Variants in ARMC8 observed in about 807,000 individuals in gnomAD.
The protein encoded by ARMC8 is armadillo repeat containing 8.
ARMC8 carries 20 observed loss-of-function variants against 99.3 expected under a neutral mutation model. That is an observed-to-expected ratio of 0.20 (90% CI 0.14 to 0.29). ARMC8 has a LOEUF of 0.29. Ranked by LOEUF, ARMC8 falls within the 10% of genes least tolerant of loss-of-function variation. The pLI is 1.00. For synonymous variants in ARMC8, 263 were observed against 278.3 expected (o/e 0.95, Z 0.55); for missense variants, 569 against 809.5 (o/e 0.70, Z 3.60).
At chr3:138,295,194 C>T (rs1025777042) in intron 21 of ARMC8, among the ~76,000 whole-genome samples, 3 of 152,176 alleles carry the variant, frequency 2.0e-5, no homozygotes, top group Non-Finnish European at 4.4e-5. Flanking sequence ...CCACAGCACC[C>T]GGCCTACATT....
intron 14 of ARMC8, among the ~76,000 whole-genome samples, chr3:138,266,624 A>G (rs1426512437): frequency 6.6e-6 from 1 of 152,134 alleles, no homozygotes; most frequent in African/African-American, 2.4e-5. Flanking sequence ...GGCTCAGGCT[A>G]GTTAGTGGAA....
At chr3:138,227,567 C>T (rs1313414787) in intron 5 of ARMC8, among the ~76,000 whole-genome samples, 1 of 152,228 alleles carries the variant, frequency 6.6e-6, no homozygotes, top group East Asian at 1.9e-4. Context: ...GGAAGAGATT[C>T]TACTTGTAGG....
intron 5 of ARMC8, among the ~76,000 whole-genome samples, chr3:138,227,133 T>C (rs76141192): frequency 0.066 from 9,995 of 152,206 alleles, 1,093 homozygotes; most frequent in African/African-American, 0.23. Flanking sequence ...AGTTTGAAAT[T>C]GTGTTTATCA....
rs762334097 is a variant in ARMC8 at position 138,245,095 on chromosome 3, A to G, written c.1046A>G (p.His349Arg). Residue 349 changes from histidine (H) to arginine (R), a missense_variant, in exon 12 of 22, where the codon CAT becomes CGT. Transcript: ENST00000469044. ...SAITDIKRLD[H>R]DLKHAHELRQ... is the part of the protein sequence containing the mutation. The stretch of plus-strand genomic sequence containing the variant: ...TCCTTTTTTTCCCCATAGCTTGATC[A>G]TGATTTAAAACATGCTCACGAACTC... The G allele has an allele frequency of 1.1e-5, 17 of 1,613,896 alleles. No individual in the cohort carries two copies. Among genetic ancestry groups the G allele is most frequent in the Non-Finnish European group, 1.4e-5 (17 of 1,179,966 alleles).
chr3:138,218,176 T>C (rs2108061984), intron 2 of ARMC8, among the ~76,000 whole-genome samples: 1 of 152,268 alleles, frequency 6.6e-6, no homozygotes, highest in African/African-American at 2.4e-5. Context: ...CCATGATAGT[T>C]TACCTAATGA....
rs1390915029 is a variant in ARMC8, at chr3:138,290,527, C to T, written c.1895-19C>T. 8 of 1,569,644 alleles carry T rather than the reference C, an allele frequency of 5.1e-6. No homozygotes were observed. The South Asian group carries it at 8.2e-5, about 16-fold the overall frequency. On this transcript the variant is annotated intron_variant, in intron 20 of 21. Transcript: ENST00000469044. ...TTTGCCTGGGTCATGTTCCCAGTAA[C>T]CTGGCTTTAATCGTTTAGGTTCACA...
chr3:138,274,813 TTCA>T (rs1234771613), intron 18 of ARMC8, among the ~76,000 whole-genome samples: 3 of 152,190 alleles, frequency 2.0e-5, no homozygotes, highest in Non-Finnish European at 4.4e-5. Flanking sequence ...GCAGTCACCT[TTCA>T]TCATCCTGGA....
intron 6 of ARMC8, among the ~76,000 whole-genome samples, chr3:138,232,682 T>A (rs1339179630): frequency 6.6e-6 from 1 of 152,234 alleles, no homozygotes; most frequent in East Asian, 1.9e-4. Context: ...GGATGATCTC[T>A]GAGATAAATT....
At chr3:138,255,705 A>T (rs963604656) in intron 12 of ARMC8, among the ~76,000 whole-genome samples, 4 of 152,166 alleles carry the variant, frequency 2.6e-5, no homozygotes, top group African/African-American at 9.7e-5. Flanking sequence ...AAAAGCTGGG[A>T]GCGGTGACTC....
intron 1 of ARMC8, among the ~76,000 whole-genome samples, chr3:138,190,274 TTCTTA>T (rs1178411355): frequency 6.6e-6 from 1 of 150,722 alleles, no homozygotes; most frequent in Non-Finnish European, 1.5e-5. Flanking sequence ...ATTCTTTATT[TTCTTA>T]TCTTTTTTTT....
chr3:138,241,965 C>A lies in ARMC8; in HGVS notation c.1020C>A (p.Ala340=). The A allele has an allele frequency of 1.2e-6, 2 of 1,613,092 alleles. No homozygotes were observed. The highest frequency in any genetic ancestry group is 2.2e-5 in the South Asian group (2 of 91,052). ...DYFKYPSSVS[A]ITDIKRLDHD... Reference sequence around the variant, plus strand: ...TCAAGTATCCCAGCTCAGTGAGTGCCATCACTGATATTAAAAGGGTATGTT... The same window carrying A: ...TCAAGTATCCCAGCTCAGTGAGTGCAATCACTGATATTAAAAGGGTATGTT... The change falls in exon 11 of 22, where the codon GCC becomes GCA. Residue 340 remains alanine (A), a synonymous_variant. Transcript: ENST00000469044.
At position 138,246,807 on chromosome 3, in the gene ARMC8, G is replaced by T. The variant is rs149526909; in HGVS notation, c.1134+1624G>T. 36 of 979,830 alleles carry T rather than the reference G, an allele frequency of 3.7e-5. No homozygotes were observed. In the East Asian group the frequency reaches 3.3e-3, roughly 90 times the overall value. 60.7% of individuals were successfully genotyped at this position (979,830 alleles called of 1,614,324 possible). On this transcript the variant is annotated intron_variant, in intron 12 of 21. Transcript: ENST00000469044. ...CTATTAAAACTTGTATTCATAATGT[G>T]TATAATTTCCTGGTAAGGCTAACTC...
At chr3:138,267,728 G>T (rs1395931974) in intron 15 of ARMC8, among the ~76,000 whole-genome samples, 2 of 152,052 alleles carry the variant, frequency 1.3e-5, no homozygotes, top group Non-Finnish European at 2.9e-5. Context: ...TAAAATATTT[G>T]AGTATGTATT....
rs563303471 is a variant in ARMC8 at position 138,295,759 on chromosome 3, T to G, written c.1989-100T>G. ...CTCACCCCAATTCCCTCTGGAGATTTACTTTTTTAGACTTCCCCAGCTATC... is the reference window on the plus strand; with the variant it reads ...CTCACCCCAATTCCCTCTGGAGATTGACTTTTTTAGACTTCCCCAGCTATC... On this transcript the variant is annotated intron_variant, in intron 21 of 21. Coordinates refer to ENST00000469044, the MANE Select transcript of ARMC8 (RefSeq NM_001363941.2). 36 of 1,389,174 alleles carry G rather than the reference T, an allele frequency of 2.6e-5. No homozygotes were observed. The South Asian group carries it at 4.3e-4, about 16-fold the overall frequency. The allele number at this position is 1,389,174 out of a possible 1,614,324, so 86.1% of individuals were successfully genotyped here.
intron 15 of ARMC8, among the ~76,000 whole-genome samples, chr3:138,267,756 A>C (rs193087641): frequency 7.9e-5 from 12 of 152,238 alleles, no homozygotes; most frequent in Admixed American, 7.9e-4. Flanking sequence ...TTAATAGGAA[A>C]AACTAAAATA....
At chr3:138,246,268 T>C (rs747649768) in intron 12 of ARMC8, 111 of 985,668 alleles carry the variant, frequency 1.1e-4, no homozygotes, top group Non-Finnish European at 1.3e-4. Flanking sequence ...AATTGAATGT[T>C]TCCATGTACC....
chr3:138,209,827 C>G lies in ARMC8; in HGVS notation c.56C>G (p.Ala19Gly). 6.2e-7 allele frequency: 1 copy of G among 1,613,758 alleles called. No individual in the cohort carries two copies. Among genetic ancestry groups the G allele is most frequent in the Non-Finnish European group, 8.5e-7 (1 of 1,179,764 alleles). ...CCCCCCACTTTCTAGGAAGTAACAG[C>G]TAGCAGTCGCCACTATGTTGACAGG... ...IRMSVLSEVT[A>G]SSRHYVDRLF... Residue 19 changes from alanine to glycine, a missense_variant, in exon 2 of 22, where the codon GCT becomes GGT. By Grantham distance (60) the Ala-to-Gly change is moderately conservative. Transcript: ENST00000469044.
chr3:138,236,506 C>T (rs371307723), intron 7 of ARMC8, among the ~76,000 whole-genome samples: 2 of 152,182 alleles, frequency 1.3e-5, no homozygotes, highest in South Asian at 2.1e-4. Flanking sequence ...GGTAACATTA[C>T]TCTTCTGCCA....
At chr3:138,197,080 A>T (rs2043779523) in intron 1 of ARMC8, among the ~76,000 whole-genome samples, 1 of 152,200 alleles carries the variant, frequency 6.6e-6, no homozygotes, top group Admixed American at 6.5e-5. Context: ...AAGCTAGGTT[A>T]TCTGGAGATC....
Sources: gnomAD v4.1 joint callset for allele counts (sites outside exome capture counted in the v4.1 genomes callset) on GRCh38, gnomAD v4.1.1 for gene constraint, MANE v1.5 for transcripts, NCBI Gene and HGNC (gene_info 2026-07-23, HGNC 2026-07-21) for gene names.